Variants in ATXN2L observed in about 807,000 individuals in gnomAD.
ATXN2L encodes ataxin-2-like protein.
In ATXN2L, 24 loss-of-function variants were observed where a neutral mutation model predicts 120.7. The observed-to-expected ratio is 0.20, with a 90% confidence interval of 0.14 to 0.28. ATXN2L has a LOEUF of 0.28. Ranked by LOEUF, ATXN2L falls within the 10% of genes least tolerant of loss-of-function variation. ATXN2L has a pLI of 1.00. For synonymous variants in ATXN2L, 653 were observed against 568.1 expected, an observed-to-expected ratio of 1.15 and a Z score of -2.13; for missense variants, 1,312 against 1,432.3, an observed-to-expected ratio of 0.92 and a Z score of 1.36.
Position 28,833,657 on chromosome 16 carries a change from A to C in ATXN2L, c.2025+149A>C, listed in dbSNP as rs2055365526. ...GATGTCATAAAAATGTAAGGATGGC[A>C]CCTTTGGGGCTGGCTTGGGGAAAAT... On this transcript the variant is annotated intron_variant, in intron 15 of 21. Transcript: ENST00000336783. 9.1e-6 allele frequency: 8 copies of C among 880,364 alleles called. 1 individual carries two copies. The South Asian group carries it at 1.3e-4, about 14-fold the overall frequency. 54.5% of individuals were successfully genotyped at this position (880,364 alleles called of 1,614,324 possible).
intron 20 of ATXN2L, 45 bp from the exon 21 acceptor site, chr16:28,835,504 C>A: frequency 3.1e-6 from 5 of 1,610,222 alleles, no homozygotes; most frequent in Non-Finnish European, 4.2e-6. Context: ...TGGGGGCCAG[C>A]GAGTTGCTGG....
In ATXN2L at chr16:28,834,873, G is replaced by A. The variant is rs573547501; in HGVS notation, c.2433+180G>A. On this transcript the variant is annotated intron_variant, in intron 18 of 21. Transcript: ENST00000336783. ...CTGGCTCTGGTGGTACCTGTAACAA[G>A]GCATTGGACATCTGTATCTCTGAAG... 1.8e-4 allele frequency: 208 copies of A among 1,132,104 alleles called. No homozygotes were observed. In the African/African-American group the frequency reaches 3.0e-3, roughly 16 times the overall value. The allele number at this position is 1,132,104 out of a possible 1,614,324, so 70.1% of individuals were successfully genotyped here.
chr16:28,828,313 G>A (rs977692295), intron 6 of ATXN2L, among the ~76,000 whole-genome samples: 1 of 152,158 alleles, frequency 6.6e-6, no homozygotes, highest in Non-Finnish European at 1.5e-5. Flanking sequence ...CAGGCCGGGC[G>A]CGGTGGCTCA....
At chr16:28,833,749 AC>A in intron 15 of ATXN2L, 1 of 610,402 alleles carries the variant, frequency 1.6e-6, no homozygotes, top group Non-Finnish European at 2.9e-6. Flanking sequence ...TGAGGGGTTA[AC>A]AGGCTTTTCT....
At chr16:28,830,921 C>T in intron 9 of ATXN2L, 41 bp from the exon 10 acceptor site, 1 of 1,472,148 alleles carries the variant, frequency 6.8e-7, no homozygotes. Context: ...CGTCTGCCTC[C>T]TGACATTTTC....
At position 28,825,849 on chromosome 16, in the gene ATXN2L, T is replaced by G. The variant is rs2051728393; in HGVS notation, c.465+8T>G. On this transcript the variant is annotated splice_region_variant and intron_variant, in intron 4 of 21. Transcript: ENST00000336783. ...AAGACGCTAAGCTCAAAGGTCAGTG[T>G]ACTCAAATTTAATTATTTTTGGAGT... 6.2e-7 allele frequency: 1 copy of G among 1,609,498 alleles called. No homozygotes were observed. Among genetic ancestry groups the G allele is most frequent in the Non-Finnish European group, 8.5e-7 (1 of 1,175,800 alleles).
chr16:28,831,952 A>C (rs1443892720), intron 10 of ATXN2L, among the ~76,000 whole-genome samples: 1 of 152,210 alleles, frequency 6.6e-6, no homozygotes, highest in East Asian at 1.9e-4. Flanking sequence ...AAATTCTGTC[A>C]ACTGAGCTTG....
Position 28,832,576 on chromosome 16 carries a change from G to T in ATXN2L, c.1588+9G>T. On this transcript the variant is annotated intron_variant, in intron 12 of 21. Transcript: ENST00000336783. Reference sequence around the variant, plus strand: ...TCGGATAGCTGGGAAAGGTGAGGGTGGTTTTTTTTCTGCTGAGGATTAATG... The same window carrying T: ...TCGGATAGCTGGGAAAGGTGAGGGTTGTTTTTTTTCTGCTGAGGATTAATG... 1.2e-6 allele frequency: 2 copies of T among 1,613,750 alleles called. No homozygotes were observed. The highest frequency in any genetic ancestry group is 1.7e-6 in the Non-Finnish European group (2 of 1,179,700).
In ATXN2L at chr16:28,833,316, C is replaced by T. The variant is rs771232923; in HGVS notation, c.1917C>T (p.Leu639=). The change falls in exon 14 of 22, where the codon CTC becomes CTT. Residue 639 remains leucine, a synonymous_variant. Transcript: ENST00000336783. ...PSQTGSPPVG[L]IKGEDKDEGP... ...AAACTGGCAGCCCCCCGGTGGGCCT[C>T]ATCAAGGGAGAAGACAAAGATGAGG... 1.1e-5 allele frequency: 17 copies of T among 1,613,872 alleles called. No individual in the cohort carries two copies. Among genetic ancestry groups the T allele is most frequent in the Non-Finnish European group, 1.4e-5 (17 of 1,179,832 alleles).
chr16:28,832,602 C>G (rs186079440), intron 12 of ATXN2L, 35 bp downstream of exon 12: 59 of 1,596,624 alleles, frequency 3.7e-5, no homozygotes, highest in Non-Finnish European at 3.4e-6. Context: ...AGGATTAATG[C>G]TCCTTTGTCT....
intron 10 of ATXN2L, among the ~76,000 whole-genome samples, chr16:28,831,780 A>T (rs2054548825): frequency 6.6e-6 from 1 of 152,150 alleles, no homozygotes; most frequent in Non-Finnish European, 1.5e-5. Flanking sequence ...GCTACTTGCG[A>T]GGCTGAGGTG....
Position 28,834,216 on chromosome 16 carries a change from G to C in ATXN2L, c.2172+5G>C. ...CACATGGGACCAGCTGTGCAGGTATGCAGAGAGACTGGCCGGGCCCAGGGT... is the reference window on the plus strand; with the variant it reads ...CACATGGGACCAGCTGTGCAGGTATCCAGAGAGACTGGCCGGGCCCAGGGT... On this transcript the variant is annotated splice_donor_5th_base_variant and intron_variant, in intron 16 of 21. Transcript: ENST00000336783. The C allele has an allele frequency of 6.2e-7, 1 of 1,612,880 alleles. No homozygotes were observed. The highest frequency in any genetic ancestry group is 8.5e-7 in the Non-Finnish European group (1 of 1,179,036).
rs2055192732 is a variant in ATXN2L, at chr16:28,833,259, G to A, written c.1860G>A (p.Gly620=). 1 of 1,614,200 alleles carries A rather than the reference G, an allele frequency of 6.2e-7. No individual in the cohort carries two copies. The highest frequency in any genetic ancestry group is 2.2e-5 in the East Asian group (1 of 44,876). The part of the protein sequence containing the change: ...PPLAPSGGTE[G]PEQPPPPCPS... ...TGGCACCATCAGGAGGCACTGAGGGGCCAGAGCAGCCCCCACCACCTTGTC... is the reference window on the plus strand; with the variant it reads ...TGGCACCATCAGGAGGCACTGAGGGACCAGAGCAGCCCCCACCACCTTGTC... The change falls in exon 14 of 22, where the codon GGG becomes GGA. Residue 620 remains glycine (G), a synonymous_variant. Coordinates refer to ENST00000336783, the MANE Select transcript of ATXN2L (RefSeq NM_007245.4).
rs765671338 is a variant in ATXN2L at position 28,836,365 on chromosome 16, G to T, written c.*100G>T. 1 of 1,613,534 alleles carries T rather than the reference G, an allele frequency of 6.2e-7. No individual in the cohort carries two copies. Among genetic ancestry groups the T allele is most frequent in the Non-Finnish European group, 8.5e-7 (1 of 1,179,912 alleles). ...AGAAGCCACAGTCGCCGCCGCCAGG[G>T]GCTTGCTCCTGGCTCTGTCCTTTGC... On this transcript the variant is annotated 3_prime_UTR_variant, in exon 22 of 22. Transcript: ENST00000336783.
chr16:28,824,137 C>A, intron 1 of ATXN2L: 4 of 1,019,550 alleles, frequency 3.9e-6, no homozygotes, highest in Non-Finnish European at 4.7e-6. Context: ...CTGGCGCGCG[C>A]GCCCCCTTCC....
intron 1 of ATXN2L, chr16:28,824,175 A>G (rs569527513): frequency 9.6e-7 from 1 of 1,036,348 alleles, no homozygotes. Flanking sequence ...GCTCGGTCTC[A>G]TGACCCGGGC....
Position 28,837,023 on chromosome 16 carries a change from C to G in ATXN2L, c.*758C>G, listed in dbSNP as rs532321150. On this transcript the variant is annotated 3_prime_UTR_variant, in exon 22 of 22. Transcript: ENST00000336783. The stretch of plus-strand genomic sequence containing the variant: ...ACCCAGTCTTGCCCTCCCATCCTCT[C>G]ATCTATTCCCCCGCTGGAGACGGAA... The G allele has an allele frequency of 4.8e-5, 32 of 672,394 alleles. 1 individual carries two copies. In the East Asian group the frequency reaches 8.6e-4, roughly 18 times the overall value. 41.7% of individuals were successfully genotyped at this position (672,394 alleles called of 1,614,324 possible). A position where few individuals can be genotyped will look rare whatever the true frequency, so the allele number is the denominator to read the frequency against.
Position 28,836,048 on chromosome 16 carries a change from C to T in ATXN2L, c.3011C>T (p.Ala1004Val), listed in dbSNP as rs776401763. 8.4e-5 allele frequency: 134 copies of T among 1,602,296 alleles called. 1 individual carries two copies. The highest frequency in any genetic ancestry group is 1.1e-4 in the Non-Finnish European group (128 of 1,172,740). The change falls in exon 22 of 22, where the codon GCG (alanine) becomes GTG (valine). Residue 1004 changes from alanine to valine, a missense_variant. Coordinates refer to ENST00000336783, the MANE Select transcript of ATXN2L (RefSeq NM_007245.4). ...AGTCATGGGGGGCCCCCCCAAGGCG[C>T]GGTGCCCCAGAGTGGGGTGCCTGCA... is the stretch of plus-strand genomic sequence containing the variant. ...PQSHGGPPQG[A>V]VPQSGVPALS... is the part of the protein sequence containing the mutation.
intron 1 of ATXN2L, chr16:28,824,486 C>A (rs2051018043): frequency 7.8e-7 from 1 of 1,288,138 alleles, no homozygotes; most frequent in African/African-American, 1.5e-5. Context: ...CCCTCAACCG[C>A]CGGTTACATC....
Sources: allele counts gnomAD v4.1 joint callset (sites outside exome capture counted in the v4.1 genomes callset), GRCh38; gene constraint gnomAD v4.1.1; transcripts MANE v1.5; gene names NCBI Gene and HGNC (gene_info 2026-07-23, HGNC 2026-07-21).